Variants in ARHGEF3 observed in about 807,000 individuals in gnomAD.
ARHGEF3 encodes Rho guanine nucleotide exchange factor 3.
In ARHGEF3, 28 loss-of-function variants were observed where a neutral mutation model predicts 63.2. The observed-to-expected ratio is 0.44, with a 90% CI of 0.33 to 0.61. The LOEUF (loss-of-function observed/expected upper bound fraction) is 0.61, where lower values mean the gene tolerates loss of function less well. ARHGEF3 is among the 20% of genes least tolerant of loss of function. The probability of loss-of-function intolerance (pLI) is 0.03; values close to 1 mark genes in which losing one functional copy is unlikely to be tolerated. For missense variants in ARHGEF3, 533 were observed against 659.3 expected, an observed-to-expected ratio of 0.81 and a Z score of 2.10; for synonymous variants, 266 against 254.2, an observed-to-expected ratio of 1.05 and a Z score of -0.44.
At chr3:57,026,258 A>G (rs35351770) in intron 2 of ARHGEF3, among the ~76,000 whole-genome samples, 3 of 152,156 alleles carry the variant, frequency 2.0e-5, no homozygotes, top group African/African-American at 7.2e-5. Context: ...TAAATTAGCC[A>G]GGTGTGGTGG....
intron 3 of ARHGEF3, among the ~76,000 whole-genome samples, chr3:56,909,914 C>G (rs931458253): frequency 6.6e-5 from 10 of 152,230 alleles, no homozygotes; most frequent in African/African-American, 2.4e-4. Context: ...AGACAGTGTA[C>G]CAACTCTGAG....
intron 7 of ARHGEF3, among the ~76,000 whole-genome samples, chr3:56,743,829 G>A (rs1448480994): frequency 6.6e-6 from 1 of 152,000 alleles, no homozygotes; most frequent in Non-Finnish European, 1.5e-5. Flanking sequence ...CCACCTCCTT[G>A]ATCAGGTTTT....
chr3:57,052,199 C>T (rs1319459116), intron 1 of ARHGEF3, among the ~76,000 whole-genome samples: 2 of 152,224 alleles, frequency 1.3e-5, no homozygotes, highest in South Asian at 2.1e-4. Flanking sequence ...GCCAGCGTGC[C>T]GCTTGTTCTT....
At chr3:56,856,143 C>T (rs1203919048) in intron 4 of ARHGEF3, among the ~76,000 whole-genome samples, 1 of 152,122 alleles carries the variant, frequency 6.6e-6, no homozygotes, top group Non-Finnish European at 1.5e-5. Context: ...AATCTGAGTC[C>T]ATAACCAGTC....
intron 4 of ARHGEF3, among the ~76,000 whole-genome samples, chr3:56,855,448 T>C (rs1050940936): frequency 1.3e-5 from 2 of 151,440 alleles, no homozygotes; most frequent in Admixed American, 6.6e-5. Context: ...CTTTGGAAGG[T>C]TGAGGCAGGC....
At chr3:57,074,173 G>A in intron 1 of ARHGEF3, 2 of 1,614,140 alleles carry the variant, frequency 1.2e-6, no homozygotes, top group Non-Finnish European at 1.7e-6. Context: ...AGCACAGGGT[G>A]CAGCCGTTCA....
At chr3:56,851,791 T>C (rs572400694) in intron 4 of ARHGEF3, among the ~76,000 whole-genome samples, 2 of 151,814 alleles carry the variant, frequency 1.3e-5, no homozygotes, top group East Asian at 3.9e-4. Flanking sequence ...AAAAATTAAG[T>C]TACTCAGGGC....
chr3:56,929,054 G>C (rs967469315), intron 3 of ARHGEF3, among the ~76,000 whole-genome samples: 1 of 152,188 alleles, frequency 6.6e-6, no homozygotes, highest in African/African-American at 2.4e-5. Context: ...CACACTGTGA[G>C]AAAAGGGGCA....
At chr3:56,937,749 A>C (rs1312502002) in intron 3 of ARHGEF3, among the ~76,000 whole-genome samples, 1 of 152,188 alleles carries the variant, frequency 6.6e-6, no homozygotes, top group Non-Finnish European at 1.5e-5. Flanking sequence ...AACATCTAGA[A>C]TCACCATCAC....
At chr3:56,798,917 A>G (rs918881021) in intron 1 of ARHGEF3, among the ~76,000 whole-genome samples, 1 of 152,202 alleles carries the variant, frequency 6.6e-6, no homozygotes, top group Non-Finnish European at 1.5e-5. Flanking sequence ...TTGCCAACCA[A>G]TTCAAACCCC....
intron 1 of ARHGEF3, among the ~76,000 whole-genome samples, chr3:57,066,051 A>C (rs1191385312): frequency 2.2e-5 from 2 of 92,910 alleles, no homozygotes; most frequent in East Asian, 1.3e-3. Context: ...AAAAAAAAAA[A>C]ACCCTAAAAT....
intron 1 of ARHGEF3, among the ~76,000 whole-genome samples, chr3:57,054,755 A>T (rs567218671): frequency 6.7e-6 from 1 of 149,568 alleles, no homozygotes; most frequent in East Asian, 2.0e-4. Context: ...TGGTTCAAGG[A>T]TTCTCCTGCC....
In ARHGEF3 at chr3:56,769,199, T is replaced by C. The variant is rs532295681; in HGVS notation, c.204+4510A>G. On this transcript the variant is annotated intron_variant, in intron 2 of 9. Transcript: ENST00000296315. Reference sequence around the variant, plus strand: ...CATGAACACAACATTCCATAGCATGTGCTGAACTCAGCTCAAATGAGTCCA... The same window carrying C: ...CATGAACACAACATTCCATAGCATGCGCTGAACTCAGCTCAAATGAGTCCA... Among the ~76,000 whole-genome samples, 6 of 152,352 alleles carry C rather than the reference T, an allele frequency of 3.9e-5. No homozygotes were observed. The East Asian group carries it at 9.6e-4, about 24-fold the overall frequency.
chr3:56,882,676 G>A (rs1007032489), intron 3 of ARHGEF3, among the ~76,000 whole-genome samples: 2 of 151,640 alleles, frequency 1.3e-5, no homozygotes, highest in Non-Finnish European at 1.5e-5. Flanking sequence ...ACGCCACCAC[G>A]CCTGGCTAAT....
intron 3 of ARHGEF3, among the ~76,000 whole-genome samples, chr3:56,903,109 G>A (rs1037274590): frequency 3.3e-5 from 5 of 151,222 alleles, no homozygotes; most frequent in African/African-American, 1.2e-4. Flanking sequence ...GAGAGAGAAC[G>A]AACCCCAAGT....
intron 3 of ARHGEF3, among the ~76,000 whole-genome samples, chr3:56,896,381 T>C (rs554734574): frequency 2.6e-4 from 39 of 152,342 alleles, no homozygotes; most frequent in African/African-American, 8.9e-4. Context: ...TACTTCAGTG[T>C]GTATGTCCTA....
chr3:56,870,743 T>C (rs1453917020), intron 4 of ARHGEF3, among the ~76,000 whole-genome samples: 1 of 152,118 alleles, frequency 6.6e-6, no homozygotes, highest in Non-Finnish European at 1.5e-5. Context: ...GGGAATGCTC[T>C]GTACTTTCTG....
At chr3:56,951,467 A>T (rs1323088513) in intron 3 of ARHGEF3, among the ~76,000 whole-genome samples, 1 of 151,982 alleles carries the variant, frequency 6.6e-6, no homozygotes, top group African/African-American at 2.4e-5. Context: ...CACTTAATAG[A>T]CTACAGTATA....
At position 56,801,730 on chromosome 3, in the gene ARHGEF3, CG is replaced by C; in HGVS notation, c.68del (p.Pro23ArgfsTer26). ...KRANCSLELP[P>X]ASGPAKDAEE... Reference sequence around the variant, plus strand: ...CAGCGTCCTTGGCCGGACCGCTGGCCGGGGGTAGCTCCAGGCTGCAGTTCGC... The same window carrying C: ...CAGCGTCCTTGGCCGGACCGCTGGCCGGGGTAGCTCCAGGCTGCAGTTCGC... On this transcript the variant is annotated frameshift_variant, in exon 1 of 10. Transcript: ENST00000296315. LOFTEE classifies it high-confidence loss of function. 1 of 1,566,510 alleles carries C rather than the reference CG, an allele frequency of 6.4e-7. No homozygotes were observed. The highest frequency in any genetic ancestry group is 8.7e-7 in the Non-Finnish European group (1 of 1,154,314).
Sources: allele counts gnomAD v4.1 joint callset (sites outside exome capture counted in the v4.1 genomes callset), GRCh38; gene constraint gnomAD v4.1.1; transcripts MANE v1.5; gene names NCBI Gene and HGNC (gene_info 2026-07-23, HGNC 2026-07-21).